The following PTPRR variants were observed in gnomAD, a reference collection of about 807,000 sequenced individuals.
PTPRR encodes the protein protein tyrosine phosphatase receptor type R, also known as receptor-type tyrosine-protein phosphatase R.
PTPRR carries 38 observed loss-of-function variants against 77.2 expected under a neutral mutation model. The ratio of observed to expected loss-of-function variants is 0.49; its 90% CI spans 0.38 to 0.65. PTPRR has a LOEUF of 0.65. PTPRR is among the 30% of genes least tolerant of loss of function. The pLI is 0.00. For synonymous variants in PTPRR, 299 were observed against 283.1 expected (o/e 1.06, Z -0.57); for missense variants, 744 against 799.2 (o/e 0.93, Z 0.83).
chr12:70,742,752 T>C (rs951182812), intron 6 of PTPRR, among the ~76,000 whole-genome samples: 2 of 152,072 alleles, frequency 1.3e-5, no homozygotes, highest in Admixed American at 1.3e-4. Context: ...AGGGAGATCC[T>C]GAGTTCTCAG....
At chr12:70,735,237 T>C (rs1029513997) in intron 6 of PTPRR, among the ~76,000 whole-genome samples, 1 of 152,186 alleles carries the variant, frequency 6.6e-6, no homozygotes, top group Non-Finnish European at 1.5e-5. Flanking sequence ...AGAAGGTGAT[T>C]AGTCCGTTCT....
intron 2 of PTPRR, among the ~76,000 whole-genome samples, chr12:70,769,439 A>T (rs569056827): frequency 6.6e-6 from 1 of 152,332 alleles, no homozygotes; most frequent in African/African-American, 2.4e-5. Flanking sequence ...AATACTTAGG[A>T]ATCCAACTTA....
intron 6 of PTPRR, among the ~76,000 whole-genome samples, chr12:70,744,053 A>G (rs1046353352): frequency 2.6e-5 from 4 of 152,090 alleles, no homozygotes; most frequent in African/African-American, 9.7e-5. Flanking sequence ...CCCTTCGTTC[A>G]TCACTGATGC....
intron 5 of PTPRR, among the ~76,000 whole-genome samples, chr12:70,751,677 T>G (rs1890404214): frequency 6.7e-6 from 1 of 150,020 alleles, no homozygotes; most frequent in Admixed American, 6.6e-5. Flanking sequence ...ACATTTGATT[T>G]TTTAAATTAA....
chr12:70,672,300 C>G (rs111811407), intron 10 of PTPRR: 1 of 1,586,440 alleles, frequency 6.3e-7, no homozygotes, highest in Admixed American at 1.7e-5. Context: ...CCCGTGCCCA[C>G]GGAACCGATC....
chr12:70,714,354 C>T (rs965350329), intron 6 of PTPRR, among the ~76,000 whole-genome samples: 3 of 152,030 alleles, frequency 2.0e-5, no homozygotes, highest in Admixed American at 6.6e-5. Context: ...TAGTTCTTCC[C>T]GCCTCCTGAT....
chr12:70,680,627 C>G (rs977191186), intron 10 of PTPRR, among the ~76,000 whole-genome samples: 1 of 152,116 alleles, frequency 6.6e-6, no homozygotes, highest in Admixed American at 6.5e-5. Flanking sequence ...GGTGGGGACC[C>G]GCTGTGAGAT....
At chr12:70,694,078 G>A (rs1382062547) in intron 8 of PTPRR, among the ~76,000 whole-genome samples, 3 of 152,116 alleles carry the variant, frequency 2.0e-5, no homozygotes, top group Non-Finnish European at 4.4e-5. Context: ...AATTATAAAT[G>A]TTTTTGTTGG....
chr12:70,669,542 C>CAT (rs1230868103), intron 10 of PTPRR, among the ~76,000 whole-genome samples: 15 of 136,810 alleles, frequency 1.1e-4, no homozygotes, highest in African/African-American at 2.4e-4. Flanking sequence ...ACACACAAGC[C>CAT]ATATATATAT....
intron 2 of PTPRR, among the ~76,000 whole-genome samples, chr12:70,890,791 T>A (rs1893321821): frequency 6.6e-6 from 1 of 152,132 alleles, no homozygotes; most frequent in South Asian, 2.1e-4. Context: ...ACATCAATTA[T>A]TCCATTAAAG....
At chr12:70,709,174 CA>C (rs1442489104) in intron 6 of PTPRR, among the ~76,000 whole-genome samples, 1 of 152,038 alleles carries the variant, frequency 6.6e-6, no homozygotes, top group African/African-American at 2.4e-5. Flanking sequence ...TCAACATATA[CA>C]AATCAATAAA....
chr12:70,903,328 T>C (rs2137129018), intron 1 of PTPRR, among the ~76,000 whole-genome samples: 1 of 152,000 alleles, frequency 6.6e-6, no homozygotes, highest in South Asian at 2.1e-4. Flanking sequence ...TTTTACCCTG[T>C]ATATCTATAT....
At chr12:70,686,701 G>A (rs1413462785) in intron 8 of PTPRR, among the ~76,000 whole-genome samples, 1 of 152,138 alleles carries the variant, frequency 6.6e-6, no homozygotes, top group Non-Finnish European at 1.5e-5. Context: ...GTGGGGAACT[G>A]AGGCCTCCAG....
chr12:70,790,548 A>G (rs1160919867), intron 2 of PTPRR, among the ~76,000 whole-genome samples: 1 of 152,062 alleles, frequency 6.6e-6, no homozygotes, highest in Non-Finnish European at 1.5e-5. Flanking sequence ...CTATAGTCTG[A>G]AATTTAGCAG....
At chr12:70,675,018 T>G (rs1483065780) in intron 10 of PTPRR, among the ~76,000 whole-genome samples, 1 of 152,122 alleles carries the variant, frequency 6.6e-6, no homozygotes, top group African/African-American at 2.4e-5. Flanking sequence ...TGATAATGAT[T>G]GTTTTGATTT....
intron 2 of PTPRR, among the ~76,000 whole-genome samples, chr12:70,833,230 G>A (rs1892245472): frequency 6.6e-6 from 1 of 152,140 alleles, no homozygotes; most frequent in Non-Finnish European, 1.5e-5. Context: ...AGGACATGGT[G>A]ATGGATTCAA....
chr12:70,904,779 T>C (rs1364015030), intron 1 of PTPRR, among the ~76,000 whole-genome samples: 1 of 151,912 alleles, frequency 6.6e-6, no homozygotes, highest in Non-Finnish European at 1.5e-5. Context: ...CATTGATGAA[T>C]TTATAAAAAG....
At chr12:70,759,693 A>AAC (rs1555173430) in intron 4 of PTPRR, among the ~76,000 whole-genome samples, 44 of 149,940 alleles carry the variant, frequency 2.9e-4, no homozygotes, top group Non-Finnish European at 5.2e-4. Context: ...AAAAAAAAAA[A>AAC]AAAAAAAAAA....
At chr12:70,712,840 T>C (rs2136819420) in intron 6 of PTPRR, among the ~76,000 whole-genome samples, 1 of 152,240 alleles carries the variant, frequency 6.6e-6, no homozygotes, top group Admixed American at 6.5e-5. Context: ...GTAATATTTA[T>C]GATAGAAAAC....
Sources: allele counts gnomAD v4.1 joint callset (sites outside exome capture counted in the v4.1 genomes callset), GRCh38; gene constraint gnomAD v4.1.1; transcripts MANE v1.5; gene names NCBI Gene and HGNC (gene_info 2026-07-23, HGNC 2026-07-21).